SMAD1: variants seen among roughly 807,000 people sequenced by gnomAD.
SMAD1 encodes MAD, mothers against decapentaplegic homolog 1.
SMAD1 carries 6 observed loss-of-function variants against 41.6 expected under a neutral mutation model. The ratio of observed to expected loss-of-function variants is 0.14; its 90% CI spans 0.08 to 0.28. The LOEUF is 0.28. Ranked by LOEUF, SMAD1 falls within the 10% of genes least tolerant of loss-of-function variation. The pLI, the probability that SMAD1 is intolerant of heterozygous loss-of-function variation, is 1.00. For synonymous variants in SMAD1, 206 were observed against 203.2 expected (o/e 1.01, Z -0.12); for missense variants, 379 against 582.6 (o/e 0.65, Z 3.60).
chr4:145,553,164 G>A (rs919626895), intron 5 of SMAD1, among the ~76,000 whole-genome samples: 1 of 151,628 alleles, frequency 6.6e-6, no homozygotes, highest in Non-Finnish European at 1.5e-5. Context: ...GTCCACCATG[G>A]CTTCCCAAAG....
At chr4:145,513,753 A>G (rs1449997980) in intron 1 of SMAD1, among the ~76,000 whole-genome samples, 2 of 152,218 alleles carry the variant, frequency 1.3e-5, no homozygotes, top group Non-Finnish European at 2.9e-5. Context: ...TTTGAAATAT[A>G]TTTTTAGAGG....
rs199965141 is a variant in SMAD1 at position 145,553,792 on chromosome 4, C to G, written c.1006C>G (p.Leu336Val). 122 of 1,613,580 alleles carry G rather than the reference C, an allele frequency of 7.6e-5. 2 individuals are homozygous for G. The highest frequency in any genetic ancestry group is 8.5e-6 in the Non-Finnish European group (10 of 1,179,648). ...GCTTTGTCTTCCTATAGGAGTTCAT[C>G]TTTATTATGTTGGAGGGGAGGTGTA... ...TRRHIGKGVH[L>V]YYVGGEVYAE... The change falls in exon 6 of 7, where the codon CTT (leucine) becomes GTT (valine). Residue 336 changes from leucine (L) to valine (V), a missense_variant. Leu to Val is a conservative substitution (Grantham distance 32). Transcript: ENST00000302085.
chr4:145,553,821 C>T lies in SMAD1; in HGVS notation c.1035C>T (p.Ala345=), dbSNP rs372397852. The T allele has an allele frequency of 1.7e-5, 27 of 1,613,430 alleles. No homozygotes were observed. In the East Asian group the frequency reaches 4.0e-4, roughly 24 times the overall value. ...HLYYVGGEVY[A]ECLSDSSIFV... is the part of the protein sequence containing the mutation. ...ATTATGTTGGAGGGGAGGTGTATGC[C>T]GAATGCCTTAGTGACAGTAGCATCT... Residue 345 remains alanine, a synonymous_variant, in exon 6 of 7, where the codon GCC becomes GCT. Transcript: ENST00000302085.
chr4:145,543,576 A>C lies in SMAD1; in HGVS notation c.775+878A>C, dbSNP rs146197078. Among the ~76,000 whole-genome samples, 580 of 152,280 alleles carry C rather than the reference A, an allele frequency of 3.8e-3. 4 individuals are homozygous for C. Among genetic ancestry groups the C allele is most frequent in the African/African-American group, 0.013 (536 of 41,560 alleles). ...GAAGAACTTGCAAGCAGAAATGAAA[A>C]ATTTCTTTCCCCCTTTAGTAAAGGG... On this transcript the variant is annotated intron_variant, in intron 4 of 6. Transcript: ENST00000302085.
intron 2 of SMAD1, among the ~76,000 whole-genome samples, chr4:145,521,900 TA>T (rs10713518): frequency 0.15 from 18,893 of 123,966 alleles, 2,018 homozygotes; most frequent in African/African-American, 0.32. Context: ...TGGTTTTCTG[TA>T]AAAAAAAAAA....
At chr4:145,502,288 C>T (rs899411091) in intron 1 of SMAD1, among the ~76,000 whole-genome samples, 1 of 152,042 alleles carries the variant, frequency 6.6e-6, no homozygotes, top group African/African-American at 2.4e-5. Context: ...GCTACCGTGT[C>T]CTGAAGGACA....
At chr4:145,557,108 A>G (rs577516728) in intron 6 of SMAD1, among the ~76,000 whole-genome samples, 2 of 152,260 alleles carry the variant, frequency 1.3e-5, no homozygotes, top group East Asian at 1.9e-4. Flanking sequence ...GTCCACCCTC[A>G]CCAATGAGTT....
At chr4:145,496,538 A>G (rs1406638700) in intron 1 of SMAD1, among the ~76,000 whole-genome samples, 1 of 152,214 alleles carries the variant, frequency 6.6e-6, no homozygotes, top group African/African-American at 2.4e-5. Context: ...TAGAGGTTCG[A>G]ACCGCAGGAG....
chr4:145,551,815 GC>G (rs1225957777), intron 5 of SMAD1, among the ~76,000 whole-genome samples: 4 of 152,198 alleles, frequency 2.6e-5, no homozygotes, highest in African/African-American at 9.6e-5. Context: ...GTAAATTGAT[GC>G]ATTCTGGAAA....
At chr4:145,487,727 C>G (rs1346446451) in intron 1 of SMAD1, among the ~76,000 whole-genome samples, 1 of 152,164 alleles carries the variant, frequency 6.6e-6, no homozygotes, top group Non-Finnish European at 1.5e-5. Context: ...TCATCTTGCT[C>G]TGCGTTATTA....
At chr4:145,499,621 AAAAG>A (rs1480966117) in intron 1 of SMAD1, among the ~76,000 whole-genome samples, 6 of 152,212 alleles carry the variant, frequency 3.9e-5, no homozygotes, top group African/African-American at 7.2e-5. Context: ...TCTCAAGAAA[AAAAG>A]AAAAATTTCA....
chr4:145,490,014 G>A (rs1230149513), intron 1 of SMAD1, among the ~76,000 whole-genome samples: 1 of 152,210 alleles, frequency 6.6e-6, no homozygotes, highest in African/African-American at 2.4e-5. Flanking sequence ...AGGGGAAAAT[G>A]TACAGTTCAG....
At chr4:145,488,869 G>A (rs572811263) in intron 1 of SMAD1, among the ~76,000 whole-genome samples, 2 of 152,286 alleles carry the variant, frequency 1.3e-5, no homozygotes, top group East Asian at 1.9e-4. Flanking sequence ...TATAAGAGCC[G>A]TTACAAGGTA....
chr4:145,506,730 T>G (rs545991294), intron 1 of SMAD1, among the ~76,000 whole-genome samples: 3 of 152,098 alleles, frequency 2.0e-5, no homozygotes, highest in Non-Finnish European at 4.4e-5. Flanking sequence ...CTGTAACATA[T>G]TAAATGGAAG....
At chr4:145,511,947 G>C (rs372240685) in intron 1 of SMAD1, among the ~76,000 whole-genome samples, 2 of 152,178 alleles carry the variant, frequency 1.3e-5, no homozygotes, top group African/African-American at 4.8e-5. Flanking sequence ...GTGACAATCT[G>C]CTGTAAACCA....
intron 2 of SMAD1, among the ~76,000 whole-genome samples, chr4:145,528,873 T>G (rs1731174475): frequency 1.3e-5 from 2 of 152,206 alleles, no homozygotes; most frequent in African/African-American, 4.8e-5. Context: ...GAATCCTGTC[T>G]TCCCTGGTTA....
At position 145,558,030 on chromosome 4, in the gene SMAD1, T is replaced by C. The variant is rs927032193; in HGVS notation, c.*96T>C. ...ACGATTGAGAACTGACAAAGGAGCC[T>C]TGATAATACTTGACCTCTGTGACCA... On this transcript the variant is annotated 3_prime_UTR_variant, in exon 7 of 7. Coordinates refer to ENST00000302085, the MANE Select transcript of SMAD1 (RefSeq NM_005900.3). 18 of 831,880 alleles carry C rather than the reference T, an allele frequency of 2.2e-5. No homozygotes were observed. The highest frequency in any genetic ancestry group is 3.1e-5 in the Non-Finnish European group (18 of 573,356). The allele number at this position is 831,880 out of a possible 1,614,324, so 51.5% of individuals were successfully genotyped here.
At chr4:145,512,491 T>C (rs886871537) in intron 1 of SMAD1, among the ~76,000 whole-genome samples, 5 of 152,232 alleles carry the variant, frequency 3.3e-5, no homozygotes, top group African/African-American at 1.2e-4. Context: ...CACTAATCTT[T>C]TATTCTACTG....
intron 5 of SMAD1, among the ~76,000 whole-genome samples, chr4:145,550,492 GACAGA>G (rs1732496518): frequency 1.3e-5 from 2 of 152,130 alleles, no homozygotes; most frequent in African/African-American, 4.8e-5. Flanking sequence ...CAGCCTGGGT[GACAGA>G]GAGAGACTCT....
Sources: allele counts gnomAD v4.1 joint callset (sites outside exome capture counted in the v4.1 genomes callset), GRCh38; gene constraint gnomAD v4.1.1; transcripts MANE v1.5; gene names NCBI Gene and HGNC (gene_info 2026-07-23, HGNC 2026-07-21).